The following CADPS variants were observed in gnomAD, a reference collection of about 807,000 sequenced individuals.
CADPS encodes calcium-dependent secretion activator 1.
CADPS carries 57 observed loss-of-function variants against 167.3 expected under a neutral mutation model. The ratio of observed to expected loss-of-function variants is 0.34; its 90% CI spans 0.28 to 0.42. The LOEUF (loss-of-function observed/expected upper bound fraction) is 0.42, where lower values mean the gene tolerates loss of function less well. Ranked by LOEUF, CADPS falls within the 20% of genes least tolerant of loss-of-function variation. The pLI is 1.00. For missense variants in CADPS, 1,414 were observed against 1,738.1 expected, an observed-to-expected ratio of 0.81 and a Z score of 3.32; for synonymous variants, 676 against 635.3, an observed-to-expected ratio of 1.06 and a Z score of -0.96.
chr3:62,802,610 A>T (rs1205343937), intron 1 of CADPS, among the ~76,000 whole-genome samples: 2 of 152,178 alleles, frequency 1.3e-5, no homozygotes, highest in Non-Finnish European at 2.9e-5. Flanking sequence ...GAGACCCTGG[A>T]TGAAGGTGGT....
chr3:62,644,580 G>A (rs187258586), intron 6 of CADPS, among the ~76,000 whole-genome samples: 3 of 152,176 alleles, frequency 2.0e-5, no homozygotes, highest in African/African-American at 7.2e-5. Flanking sequence ...CTTCCTCATG[G>A]TATGGCCCTG....
chr3:62,699,634 T>A (rs973663238), intron 3 of CADPS, among the ~76,000 whole-genome samples: 28 of 152,262 alleles, frequency 1.8e-4, no homozygotes, highest in African/African-American at 6.7e-4. Flanking sequence ...AGTGGTGCCA[T>A]CTTGGCTTAC....
intron 1 of CADPS, among the ~76,000 whole-genome samples, chr3:62,774,967 A>G (rs146383198): frequency 1.9e-3 from 293 of 152,282 alleles, no homozygotes; most frequent in African/African-American, 6.4e-3. Context: ...ACTCAATTAC[A>G]TTAAAACCCA....
chr3:62,566,414 C>T (rs2080207475), intron 9 of CADPS, among the ~76,000 whole-genome samples: 1 of 48,004 alleles, frequency 2.1e-5, no homozygotes, highest in East Asian at 1.1e-3. Context: ...CTTGGATTGA[C>T]ATCCTTTCCT....
chr3:62,796,114 T>G (rs1299475927), intron 1 of CADPS: 1 of 152,228 alleles, frequency 6.6e-6, no homozygotes, highest in African/African-American at 2.4e-5. Flanking sequence ...TGTCATTGGA[T>G]TTTTTCGTAA....
chr3:62,744,560 C>G (rs750201140), intron 3 of CADPS, among the ~76,000 whole-genome samples: 1 of 152,176 alleles, frequency 6.6e-6, no homozygotes, highest in Non-Finnish European at 1.5e-5. Context: ...TAAAATATCT[C>G]TATTTGCAAG....
chr3:62,474,338 G>A lies in CADPS; in HGVS notation c.3330-18C>T. On this transcript the variant is annotated intron_variant, in intron 23 of 29. Transcript: ENST00000383710. ...TCCTGGTTCTATTAAAACAAAGTAG[G>A]AAAAGACCAATTCAGCGTTCAGATG... 2 of 1,611,942 alleles carry A rather than the reference G, an allele frequency of 1.2e-6. No homozygotes were observed. Among genetic ancestry groups the A allele is most frequent in the Non-Finnish European group, 1.7e-6 (2 of 1,179,238 alleles).
At chr3:62,859,478 G>C (rs1486476531) in intron 1 of CADPS, among the ~76,000 whole-genome samples, 1 of 152,134 alleles carries the variant, frequency 6.6e-6, no homozygotes, top group Admixed American at 6.6e-5. Flanking sequence ...AAAGCTCTTT[G>C]GACTAAATGG....
intron 6 of CADPS, among the ~76,000 whole-genome samples, chr3:62,641,611 C>G (rs1026274341): frequency 4.6e-5 from 7 of 152,134 alleles, no homozygotes; most frequent in African/African-American, 1.7e-4. Context: ...CTAAGTATCC[C>G]CATTGGTTTC....
chr3:62,584,614 A>C (rs1006286133), intron 8 of CADPS, among the ~76,000 whole-genome samples: 1 of 152,212 alleles, frequency 6.6e-6, no homozygotes, highest in African/African-American at 2.4e-5. Flanking sequence ...CACTGGTCTT[A>C]TTTGGCATCT....
intron 3 of CADPS, among the ~76,000 whole-genome samples, chr3:62,726,998 A>T (rs1052194760): frequency 6.6e-6 from 1 of 151,828 alleles, no homozygotes; most frequent in Non-Finnish European, 1.5e-5. Flanking sequence ...AAGCACCTAG[A>T]CTGTCTTAGA....
chr3:62,672,034 C>T (rs2075618577), intron 3 of CADPS, among the ~76,000 whole-genome samples: 1 of 152,104 alleles, frequency 6.6e-6, no homozygotes, highest in Non-Finnish European at 1.5e-5. Flanking sequence ...CCCACCTCAG[C>T]CTCTCAAAGT....
At chr3:62,582,200 C>T (rs1305007281) in intron 8 of CADPS, among the ~76,000 whole-genome samples, 5 of 152,196 alleles carry the variant, frequency 3.3e-5, no homozygotes, top group Non-Finnish European at 7.3e-5. Context: ...AATCCCAGAG[C>T]TTTGGGAAGC....
intron 1 of CADPS, among the ~76,000 whole-genome samples, chr3:62,850,738 A>C (rs907536876): frequency 1.3e-5 from 2 of 151,586 alleles, no homozygotes; most frequent in African/African-American, 2.4e-5. Flanking sequence ...TGCTGAAAAA[A>C]ATGTATATTC....
intron 1 of CADPS, among the ~76,000 whole-genome samples, chr3:62,790,680 GAA>G (rs1340019343): frequency 9.9e-5 from 15 of 152,186 alleles, no homozygotes; most frequent in African/African-American, 3.6e-4. Context: ...GAAAGGATTG[GAA>G]AAAGTGATTT....
At chr3:62,401,466 T>C (rs1272212792) in intron 29 of CADPS, among the ~76,000 whole-genome samples, 1 of 152,186 alleles carries the variant, frequency 6.6e-6, no homozygotes, top group East Asian at 1.9e-4. Context: ...TATCCAATGT[T>C]GAATGAATAA....
At chr3:62,502,244 C>T (rs2065884144) in intron 17 of CADPS, among the ~76,000 whole-genome samples, 1 of 151,844 alleles carries the variant, frequency 6.6e-6, no homozygotes, top group Admixed American at 6.6e-5. Context: ...TGTGCAAAAT[C>T]CTTTAGCACT....
At chr3:62,790,014 G>C (rs1433264385) in intron 1 of CADPS, among the ~76,000 whole-genome samples, 3 of 151,590 alleles carry the variant, frequency 2.0e-5, no homozygotes, top group Admixed American at 1.3e-4. Context: ...TTGTCTTTTA[G>C]GTACATGAAT....
chr3:62,640,917 A>G (rs926491416), intron 6 of CADPS, among the ~76,000 whole-genome samples: 2 of 152,002 alleles, frequency 1.3e-5, no homozygotes, highest in African/African-American at 4.8e-5. Context: ...TACTCAGGGA[A>G]TATGTCAGGT....
Sources: gnomAD v4.1 joint callset for allele counts (sites outside exome capture counted in the v4.1 genomes callset) on GRCh38, gnomAD v4.1.1 for gene constraint, MANE v1.5 for transcripts, NCBI Gene and HGNC (gene_info 2026-07-23, HGNC 2026-07-21) for gene names.